Variants in VTI1B observed in about 807,000 individuals in gnomAD.
VTI1B encodes vesicle transport through interaction with t-SNAREs 1B.
VTI1B carries 18 observed loss-of-function variants against 28.6 expected under a neutral mutation model. The ratio of observed to expected loss-of-function variants is 0.63; its 90% CI spans 0.43 to 0.93. The LOEUF is 0.93. VTI1B is among the 40% of genes least tolerant of loss of function. VTI1B has a pLI of 0.00. For missense variants in VTI1B, 283 were observed against 297.0 expected (o/e 0.95, Z 0.35); for synonymous variants, 100 against 107.9 (o/e 0.93, Z 0.46).
chr14:67,659,938 G>A lies in VTI1B; in HGVS notation c.175-16C>T. The A allele has an allele frequency of 6.2e-7, 1 of 1,609,152 alleles. No homozygotes were observed. Among genetic ancestry groups the A allele is most frequent in the Non-Finnish European group, 8.5e-7 (1 of 1,176,814 alleles). On this transcript the variant is annotated splice_polypyrimidine_tract_variant and intron_variant, in intron 2 of 5. Coordinates refer to ENST00000554659, the MANE Select transcript of VTI1B (RefSeq NM_006370.3). ...TCTCTGCCAGCTGGGAAGGCAGAAA[G>A]TAGTGAGCAGATAGCCTGGTTCTTC... is the stretch of plus-strand genomic sequence containing the variant.
At chr14:67,659,704 A>C (rs373703401) in intron 3 of VTI1B, 27 bp downstream of exon 3, 54 of 1,568,912 alleles carry the variant, frequency 3.4e-5, no homozygotes, top group South Asian at 3.3e-4. Flanking sequence ...AAGGAAAAAA[A>C]AAACAAACAA....
At position 67,653,527 on chromosome 14, in the gene VTI1B, C is replaced by T. The variant is rs1594833771; in HGVS notation, c.541-29G>A. The T allele has an allele frequency of 5.0e-6, 8 of 1,597,020 alleles. No individual in the cohort carries two copies. In the African/African-American group the frequency reaches 5.4e-5, roughly 11 times the overall value. On this transcript the variant is annotated intron_variant, in intron 4 of 5. Transcript: ENST00000554659. ...AGAAGAGAAAATAGTGATTATTTCC[C>T]TCTTTAAAAAGTATACTCTGTACAA...
intron 5 of VTI1B, chr14:67,652,480 CT>C: frequency 5.6e-6 from 1 of 179,470 alleles, no homozygotes; most frequent in Non-Finnish European, 1.2e-5. Context: ...CTCTACCACC[CT>C]TTAGATGCAC....
chr14:67,672,442 CTTTTCTTTTTTTT>C (rs1190871492), intron 1 of VTI1B, among the ~76,000 whole-genome samples: 17 of 101,740 alleles, frequency 1.7e-4, no homozygotes, highest in African/African-American at 5.2e-4. Context: ...TTTTTCTTTT[CTTTTCTTTTTTTT>C]TTTTTTTTGA....
rs144739788 is a variant in VTI1B at position 67,665,421 on chromosome 14, G to T, written c.116-2886C>A. ...CAAGTAACTGAGACTACAGGTGCAG[G>T]TTACCACACACAGCTAATTTTTTTT... is the stretch of plus-strand genomic sequence containing the variant. On this transcript the variant is annotated intron_variant, in intron 1 of 5. Coordinates refer to ENST00000554659, the MANE Select transcript of VTI1B (RefSeq NM_006370.3). Among the ~76,000 whole-genome samples, 27 of 151,866 alleles carry T rather than the reference G, an allele frequency of 1.8e-4. 1 individual carries two copies. The East Asian group carries it at 5.2e-3, about 29-fold the overall frequency.
chr14:67,660,044 T>C (rs2037316679), intron 2 of VTI1B, 122 bp from the exon 3 acceptor site: 4 of 1,025,192 alleles, frequency 3.9e-6, no homozygotes, highest in Non-Finnish European at 2.8e-6. Flanking sequence ...AATAACCATA[T>C]GCTCCATGAG....
chr14:67,651,745 C>A, intron 5 of VTI1B: 1 of 293,072 alleles, frequency 3.4e-6, no homozygotes, highest in Admixed American at 4.8e-5. Context: ...TAGTTACTTC[C>A]TTTAAAAATA....
intron 1 of VTI1B, 50 bp downstream of exon 1, chr14:67,674,325 C>A: frequency 6.8e-7 from 1 of 1,478,286 alleles, no homozygotes; most frequent in Non-Finnish European, 9.0e-7. Context: ...ATCTTCCTTC[C>A]AAAGCGCGCA....
chr14:67,660,176 T>C (rs2037318347), intron 2 of VTI1B: 1 of 362,758 alleles, frequency 2.8e-6, no homozygotes, highest in African/African-American at 2.1e-5. Flanking sequence ...AAGTACTTTA[T>C]AGCTTACTAA....
At chr14:67,671,510 A>C (rs1288578861) in intron 1 of VTI1B, among the ~76,000 whole-genome samples, 3 of 152,162 alleles carry the variant, frequency 2.0e-5, no homozygotes, top group African/African-American at 7.2e-5. Flanking sequence ...TGGGCGACAG[A>C]GCAAGACTCT....
At chr14:67,653,846 T>C (rs560700115) in intron 4 of VTI1B, among the ~76,000 whole-genome samples, 1 of 152,372 alleles carries the variant, frequency 6.6e-6, no homozygotes, top group African/African-American at 2.4e-5. Context: ...TTGAATTTCA[T>C]CAGCCAAATT....
In VTI1B at chr14:67,649,293, A is replaced by C. The variant is rs2037141420; in HGVS notation, c.*2092T>G. On this transcript the variant is annotated 3_prime_UTR_variant, in exon 6 of 6. Coordinates refer to ENST00000554659, the MANE Select transcript of VTI1B (RefSeq NM_006370.3). ...TCCCAGTACTCTGGGAGGCCAAGGC[A>C]AGAGGATTACTTGACCCCAGGGGTT... is the stretch of plus-strand genomic sequence containing the variant. The C allele has an allele frequency of 6.6e-6, 1 of 152,172 alleles. No individual in the cohort carries two copies. The highest frequency in any genetic ancestry group is 6.6e-5 in the Admixed American group (1 of 15,264). The allele number at this position is 152,172 out of a possible 1,614,324, so 9.4% of individuals were successfully genotyped here. A position where few individuals can be genotyped will look rare whatever the true frequency, so the allele number is the denominator to read the frequency against.
chr14:67,669,669 C>G (rs2037442920), intron 1 of VTI1B, among the ~76,000 whole-genome samples: 1 of 152,160 alleles, frequency 6.6e-6, no homozygotes, highest in African/African-American at 2.4e-5. Context: ...ATCCACAACC[C>G]AAACTCTGCT....
intron 3 of VTI1B, 141 bp downstream of exon 3, chr14:67,659,590 C>A (rs1594837076): frequency 1.2e-6 from 1 of 813,742 alleles, no homozygotes; most frequent in Non-Finnish European, 1.8e-6. Flanking sequence ...GAACTGGATG[C>A]AGAAAAGAGG....
At chr14:67,663,356 T>A (rs894829614) in intron 1 of VTI1B, among the ~76,000 whole-genome samples, 3 of 152,134 alleles carry the variant, frequency 2.0e-5, no homozygotes, top group Non-Finnish European at 4.4e-5. Context: ...GTATTTTACA[T>A]GAAATAAGTT....
chr14:67,665,233 A>C (rs2037385622), intron 1 of VTI1B, among the ~76,000 whole-genome samples: 1 of 151,174 alleles, frequency 6.6e-6, no homozygotes, highest in Non-Finnish European at 1.5e-5. Flanking sequence ...TTTGTTAATC[A>C]CAACAGCATC....
intron 1 of VTI1B, among the ~76,000 whole-genome samples, chr14:67,673,051 C>T (rs1043978553): frequency 1.6e-4 from 24 of 152,356 alleles, no homozygotes; most frequent in African/African-American, 5.8e-4. Context: ...AGTCTCTGTT[C>T]AAACGCCATC....
At chr14:67,674,299 G>A in intron 1 of VTI1B, 76 bp downstream of exon 1, 1 of 1,360,510 alleles carries the variant, frequency 7.4e-7, no homozygotes, top group Non-Finnish European at 9.8e-7. Context: ...CCCGGGTCTG[G>A]GAGGAAGGTG....
intron 1 of VTI1B, among the ~76,000 whole-genome samples, chr14:67,669,118 C>T (rs1400677512): frequency 1.3e-5 from 2 of 152,080 alleles, no homozygotes; most frequent in African/African-American, 4.8e-5. Context: ...TGATTTATCC[C>T]CATTTGGCAG....
Sources: gnomAD v4.1 joint callset for allele counts (sites outside exome capture counted in the v4.1 genomes callset) on GRCh38, gnomAD v4.1.1 for gene constraint, MANE v1.5 for transcripts, NCBI Gene and HGNC (gene_info 2026-07-23, HGNC 2026-07-21) for gene names.